The following EPB41 variants were observed in gnomAD, a reference collection of about 807,000 sequenced individuals.
The protein encoded by EPB41 is protein 4.1.
A neutral mutation model predicts 108.0 loss-of-function variants in EPB41; 65 were observed. The ratio of observed to expected loss-of-function variants is 0.60; its 90% CI spans 0.49 to 0.74. The LOEUF (loss-of-function observed/expected upper bound fraction) is 0.74, where lower values mean the gene tolerates loss of function less well. EPB41 is among the 30% of genes least tolerant of loss of function. EPB41 has a pLI of 0.00. For missense variants in EPB41, 875 were observed against 1,037.0 expected, an observed-to-expected ratio of 0.84 and a Z score of 2.15; for synonymous variants, 336 against 358.9, an observed-to-expected ratio of 0.94 and a Z score of 0.72.
chr1:28,937,493 C>G (rs1249440056), intron 1 of EPB41, among the ~76,000 whole-genome samples: 1 of 152,168 alleles, frequency 6.6e-6, no homozygotes, highest in Non-Finnish European at 1.5e-5. Flanking sequence ...CTCACAGGCT[C>G]AAGTGATTCT....
chr1:28,977,612 A>G (rs1373795428), intron 1 of EPB41, among the ~76,000 whole-genome samples: 1 of 152,138 alleles, frequency 6.6e-6, no homozygotes, highest in Non-Finnish European at 1.5e-5. Flanking sequence ...ACATTAAGTA[A>G]ATGGATACCT....
At chr1:28,989,498 A>G (rs2095955581) in intron 2 of EPB41, 1 of 549,334 alleles carries the variant, frequency 1.8e-6, no homozygotes, top group East Asian at 1.5e-4. Context: ...ACATGTTTCT[A>G]TTATAGGTCT....
rs2096774378 is a variant in EPB41, at chr1:29,030,505, C to T, written c.1212+18C>T. On this transcript the variant is annotated intron_variant, in intron 8 of 20. Transcript: ENST00000343067. The stretch of plus-strand genomic sequence containing the variant: ...AAGCAAAGGTAATGATAACTTTGCC[C>T]TTTATTAATATGCATGTGGAAGATA... The T allele has an allele frequency of 4.4e-6, 7 of 1,576,792 alleles. No homozygotes were observed. The East Asian group carries it at 9.0e-5, about 20-fold the overall frequency.
intron 16 of EPB41, among the ~76,000 whole-genome samples, chr1:29,084,447 A>G (rs1370132759): frequency 1.3e-5 from 2 of 152,242 alleles, no homozygotes; most frequent in African/African-American, 4.8e-5. Context: ...AGAATGCAAA[A>G]TAAAATGAAG....
chr1:28,953,034 A>G (rs1178599282), intron 1 of EPB41, among the ~76,000 whole-genome samples: 2 of 151,574 alleles, frequency 1.3e-5, no homozygotes, highest in African/African-American at 4.9e-5. Context: ...CGGCCCAAAT[A>G]TCTATTTAGT....
At chr1:28,902,128 T>C in intron 1 of EPB41, 1 of 968,342 alleles carries the variant, frequency 1.0e-6, no homozygotes, top group Non-Finnish European at 1.2e-6. Flanking sequence ...TCTAGGAATA[T>C]TTTGAGCACA....
intron 1 of EPB41, chr1:28,982,164 G>A (rs1056005095): frequency 1.6e-4 from 49 of 313,436 alleles, no homozygotes; most frequent in Non-Finnish European, 3.0e-4. Context: ...TTGTCCTTGC[G>A]ATAGTTTGCT....
At chr1:29,015,888 T>C in intron 6 of EPB41, 121 bp downstream of exon 6, 1 of 693,866 alleles carries the variant, frequency 1.4e-6, no homozygotes, top group Admixed American at 2.6e-5. Context: ...AATAATGATA[T>C]TAAGTAGCCT....
upstream of EPB41, chr1:28,911,223 TC>T: frequency 1.0e-6 from 1 of 967,888 alleles, no homozygotes; most frequent in Non-Finnish European, 1.2e-6. Context: ...AAGATGTGTG[TC>T]TAAAATAACA....
At chr1:29,109,253 C>A in intron 17 of EPB41, 83 bp from the exon 18 acceptor site, 1 of 1,016,688 alleles carries the variant, frequency 9.8e-7, no homozygotes, top group Non-Finnish European at 1.6e-6. Flanking sequence ...TCAGAATGTG[C>A]AGCTGAAGAG....
intron 1 of EPB41, 56 bp from the exon 2 acceptor site, chr1:28,987,375 C>A: frequency 6.7e-7 from 1 of 1,502,148 alleles, no homozygotes; most frequent in South Asian, 1.1e-5. Flanking sequence ...AGGGTTTTGC[C>A]AACAGTAATG....
chr1:29,040,487 G>C (rs144911194), intron 11 of EPB41, among the ~76,000 whole-genome samples: 1 of 151,862 alleles, frequency 6.6e-6, no homozygotes, highest in Non-Finnish European at 1.5e-5. Context: ...CACTATGTTC[G>C]CCAGGCTGGT....
intron 5 of EPB41, among the ~76,000 whole-genome samples, chr1:29,014,212 G>T (rs1349342494): frequency 1.3e-5 from 2 of 152,042 alleles, no homozygotes; most frequent in African/African-American, 4.8e-5. Flanking sequence ...AGCTACTGGG[G>T]AGGCTGAGGC....
chr1:29,114,638 A>T (rs1040671203), intron 19 of EPB41, among the ~76,000 whole-genome samples: 2 of 7,710 alleles, frequency 2.6e-4, no homozygotes, highest in South Asian at 2.4e-3. Flanking sequence ...ACTCCGTCTA[A>T]AAAAAAAAAA....
intron 17 of EPB41, among the ~76,000 whole-genome samples, chr1:29,103,870 TTGGTC>T (rs1666262745): frequency 6.6e-6 from 1 of 152,178 alleles, no homozygotes; most frequent in African/African-American, 2.4e-5. Context: ...TTTTGCCACG[TTGGTC>T]AGGCTGGTTT....
chr1:28,906,736 T>C (rs547158928), intron 1 of EPB41, among the ~76,000 whole-genome samples: 1 of 152,176 alleles, frequency 6.6e-6, no homozygotes, highest in Non-Finnish European at 1.5e-5. Context: ...AGACCTAGTT[T>C]AAGCTGCGAT....
intron 1 of EPB41, among the ~76,000 whole-genome samples, chr1:28,963,048 G>T (rs182311349): frequency 3.9e-5 from 6 of 152,132 alleles, no homozygotes; most frequent in Non-Finnish European, 7.4e-5. Flanking sequence ...CTTGTGCTTG[G>T]TGAGTGACAG....
intron 2 of EPB41, among the ~76,000 whole-genome samples, chr1:28,990,880 C>T (rs1376119476): frequency 6.6e-6 from 1 of 152,122 alleles, no homozygotes; most frequent in African/African-American, 2.4e-5. Context: ...TTAGATTTAA[C>T]TAAAATCTCA....
intron 16 of EPB41, among the ~76,000 whole-genome samples, chr1:29,075,432 C>G (rs147745227): frequency 6.6e-6 from 1 of 152,014 alleles, no homozygotes; most frequent in East Asian, 1.9e-4. Context: ...GAGCTGAGAT[C>G]GCGCCACTGT....
Sources: allele counts gnomAD v4.1 joint callset (sites outside exome capture counted in the v4.1 genomes callset), GRCh38; gene constraint gnomAD v4.1.1; transcripts MANE v1.5; gene names NCBI Gene and HGNC (gene_info 2026-07-23, HGNC 2026-07-21).